Variants in KHDRBS2 observed in about 807,000 individuals in gnomAD.
KHDRBS2 encodes the protein KH domain-containing, RNA-binding, signal transduction-associated protein 2.
KHDRBS2 carries 26 observed loss-of-function variants against 44.3 expected under a neutral mutation model. The observed-to-expected ratio is 0.59, with a 90% CI of 0.43 to 0.81. The LOEUF (loss-of-function observed/expected upper bound fraction) is 0.81, where lower values mean the gene tolerates loss of function less well. KHDRBS2 is among the 40% of genes least tolerant of loss of function. The probability of loss-of-function intolerance (pLI) is 0.00; values close to 1 mark genes in which losing one functional copy is unlikely to be tolerated. For synonymous variants in KHDRBS2, 194 were observed against 151.1 expected, an observed-to-expected ratio of 1.28 and a Z score of -2.08; for missense variants, 476 against 433.1, an observed-to-expected ratio of 1.10 and a Z score of -0.88.
At chr6:61,590,891 A>G in the KHDRBS2 span, among the ~76,000 whole-genome samples, 1 of 152,318 alleles carries the variant, frequency 6.6e-6, no homozygotes, top group South Asian at 2.1e-4. Flanking sequence ...TAGTCATGGG[A>G]TGCTTCATCT....
the KHDRBS2 span, among the ~76,000 whole-genome samples, chr6:61,589,272 A>T: frequency 6.6e-6 from 1 of 152,182 alleles, no homozygotes; most frequent in African/African-American, 2.4e-5. Flanking sequence ...TCAAGATTTT[A>T]TAGATATCAA....
the KHDRBS2 span, among the ~76,000 whole-genome samples, chr6:61,589,836 TATAA>T: frequency 2.0e-5 from 3 of 152,328 alleles, no homozygotes; most frequent in East Asian, 3.9e-4. Context: ...TACAGAGGAC[TATAA>T]ATAATCTCTC....
chr6:62,117,543 T>G (rs965328825), intron 2 of KHDRBS2, among the ~76,000 whole-genome samples: 3 of 152,130 alleles, frequency 2.0e-5, no homozygotes, highest in Non-Finnish European at 2.9e-5. Context: ...TATTTTTTCC[T>G]ATTCTGTGTG....
At chr6:62,156,727 A>C (rs540107151) in intron 2 of KHDRBS2, among the ~76,000 whole-genome samples, 78 of 152,078 alleles carry the variant, frequency 5.1e-4, no homozygotes, top group Middle Eastern at 3.4e-3. Context: ...AGTGCAGTGC[A>C]GTGGCGTGAT....
chr6:61,816,001 C>G lies in KHDRBS2; in HGVS notation c.810+78634G>C, dbSNP rs893636724. On this transcript the variant is annotated intron_variant, in intron 6 of 8. Transcript: ENST00000281156. ...AGCTTAACAGAGCACTCATAAATAC[C>G]AAAAGTTCCTTAGTAAGCCCAAACT... Among the ~76,000 whole-genome samples the G allele has an allele frequency of 2.3e-3, 343 of 152,118 alleles. 2 individuals are homozygous for G. Among genetic ancestry groups the G allele is most frequent in the African/African-American group, 8.0e-3 (334 of 41,538 alleles).
chr6:61,571,572 C>A, the KHDRBS2 span, among the ~76,000 whole-genome samples: 1 of 151,802 alleles, frequency 6.6e-6, no homozygotes, highest in African/African-American at 2.4e-5. Flanking sequence ...ACTTAACAGA[C>A]GTTTACAGAA....
intron 7 of KHDRBS2, among the ~76,000 whole-genome samples, chr6:61,710,099 A>G (rs1193432052): frequency 2.0e-5 from 3 of 151,764 alleles, no homozygotes; most frequent in Non-Finnish European, 4.4e-5. Flanking sequence ...ATTTTCATGC[A>G]TCAGACTTTA....
intron 2 of KHDRBS2, among the ~76,000 whole-genome samples, chr6:62,118,707 A>G (rs1806889580): frequency 6.6e-6 from 1 of 152,166 alleles, no homozygotes; most frequent in East Asian, 1.9e-4. Flanking sequence ...GAATGCAGAA[A>G]GCAGATTGGC....
rs550947280 is a variant in KHDRBS2 at position 61,719,539 on chromosome 6, T to C, written c.893+13143A>G. On this transcript the variant is annotated intron_variant, in intron 7 of 8. Transcript: ENST00000281156. ...AATTAAAGGTGTTAATCCCAGGATG[T>C]AACTTGCCTTAAGTCAAAACTTCAA... is the stretch of plus-strand genomic sequence containing the variant. Among the ~76,000 whole-genome samples the C allele has an allele frequency of 2.0e-3, 307 of 152,248 alleles. 4 individuals carry two copies. The highest frequency in any genetic ancestry group is 6.9e-3 in the Admixed American group (105 of 15,268).
chr6:62,078,636 C>T (rs2127352530), intron 2 of KHDRBS2, among the ~76,000 whole-genome samples: 1 of 151,922 alleles, frequency 6.6e-6, no homozygotes, highest in East Asian at 1.9e-4. Context: ...CCATTGAAGT[C>T]ATGACAGAAA....
At chr6:61,659,301 T>C in the KHDRBS2 span, among the ~76,000 whole-genome samples, 1 of 151,846 alleles carries the variant, frequency 6.6e-6, no homozygotes, top group Non-Finnish European at 1.5e-5. Context: ...GCATCCAGAT[T>C]CCATGTCTTA....
chr6:61,935,418 T>G (rs1810848163), intron 4 of KHDRBS2, among the ~76,000 whole-genome samples: 1 of 152,150 alleles, frequency 6.6e-6, no homozygotes. Context: ...TCAGTGGAAC[T>G]CAGCATGACT....
At chr6:61,993,052 T>C (rs1366023436) in intron 3 of KHDRBS2, among the ~76,000 whole-genome samples, 1 of 152,142 alleles carries the variant, frequency 6.6e-6, no homozygotes, top group African/African-American at 2.4e-5. Context: ...TGCTACAAAA[T>C]TTCTCTTGGG....
intron 1 of KHDRBS2, among the ~76,000 whole-genome samples, chr6:62,231,682 TTGGTAAAATTTATAAAA>T (rs1832925827): frequency 6.6e-6 from 1 of 152,164 alleles, no homozygotes; most frequent in Admixed American, 6.5e-5. Flanking sequence ...TGAAAATAAA[TTGGTAAAATTTATAAAA>T]TATTGTTTGC....
the KHDRBS2 span, among the ~76,000 whole-genome samples, chr6:61,658,785 AT>A: frequency 1.3e-5 from 2 of 151,934 alleles, no homozygotes; most frequent in Admixed American, 1.3e-4. Context: ...ATATTCTTGT[AT>A]TCCCAAGTGA....
chr6:61,871,556 G>T (rs555583546), intron 6 of KHDRBS2, among the ~76,000 whole-genome samples: 77 of 152,200 alleles, frequency 5.1e-4, no homozygotes, highest in African/African-American at 1.7e-3. Flanking sequence ...CACATCATCA[G>T]ATTCACCAAG....
intron 3 of KHDRBS2, among the ~76,000 whole-genome samples, chr6:62,013,427 G>A (rs543215144): frequency 1.3e-5 from 2 of 151,944 alleles, no homozygotes; most frequent in East Asian, 3.9e-4. Context: ...AACTGAAATG[G>A]AAACAAAATT....
intron 7 of KHDRBS2, among the ~76,000 whole-genome samples, chr6:61,729,664 G>A (rs1294195623): frequency 6.6e-6 from 1 of 151,916 alleles, no homozygotes; most frequent in Non-Finnish European, 1.5e-5. Context: ...ATCTAATTGT[G>A]GTTTTAATTT....
At chr6:62,129,848 T>G (rs209005) in intron 2 of KHDRBS2, among the ~76,000 whole-genome samples, 27,973 of 152,032 alleles carry the variant, frequency 0.18, 3,026 homozygotes, top group African/African-American at 0.31. Context: ...TATTCTAGAA[T>G]TTTAAGAAAA....
Sources: gnomAD v4.1 joint callset for allele counts (sites outside exome capture counted in the v4.1 genomes callset) on GRCh38, gnomAD v4.1.1 for gene constraint, MANE v1.5 for transcripts, NCBI Gene and HGNC (gene_info 2026-07-23, HGNC 2026-07-21) for gene names.